Variants in TTC23 observed in about 807,000 individuals in gnomAD.
The protein encoded by TTC23 is tetratricopeptide repeat protein 23.
In TTC23, 58 loss-of-function variants were observed where a neutral mutation model predicts 55.1. The observed-to-expected ratio is 1.05, with a 90% CI of 0.85 to 1.31. The LOEUF (loss-of-function observed/expected upper bound fraction) is 1.31, where lower values mean the gene tolerates loss of function less well. Ranked by LOEUF, TTC23 falls within the 50% of genes most tolerant of loss-of-function variation. The pLI is 0.00. For synonymous variants in TTC23, 203 were observed against 199.9 expected (o/e 1.02, Z -0.13); for missense variants, 516 against 534.4 (o/e 0.97, Z 0.34).
At chr15:99,165,072 C>G (rs2071882286) in intron 10 of TTC23, among the ~76,000 whole-genome samples, 1 of 152,168 alleles carries the variant, frequency 6.6e-6, no homozygotes, top group African/African-American at 2.4e-5. Flanking sequence ...GACTGACATA[C>G]AGTTGGTGCT....
chr15:99,184,915 T>C (rs554341372), intron 9 of TTC23, among the ~76,000 whole-genome samples: 13 of 152,268 alleles, frequency 8.5e-5, no homozygotes, highest in Non-Finnish European at 1.8e-4. Context: ...AATTAAATCA[T>C]GGGGGTGGTT....
chr15:99,163,823 T>C (rs1262609948), intron 10 of TTC23, among the ~76,000 whole-genome samples: 1 of 152,202 alleles, frequency 6.6e-6, no homozygotes, highest in Non-Finnish European at 1.5e-5. Context: ...AGGAAGCAGG[T>C]CAGGCACCAA....
intron 9 of TTC23, among the ~76,000 whole-genome samples, chr15:99,186,936 T>G (rs1180795217): frequency 6.6e-6 from 1 of 152,100 alleles, no homozygotes; most frequent in African/African-American, 2.4e-5. Flanking sequence ...TGTTTTGTTT[T>G]GTTTTTTGCA....
intron 10 of TTC23, among the ~76,000 whole-genome samples, chr15:99,163,844 G>A (rs955927932): frequency 6.6e-6 from 1 of 152,206 alleles, no homozygotes; most frequent in African/African-American, 2.4e-5. Flanking sequence ...ATCTACCAGA[G>A]CCTTGATCTG....
At position 99,137,862 on chromosome 15, in the gene TTC23, G is replaced by T; in HGVS notation, c.*148C>A. 1 of 1,290,078 alleles carries T rather than the reference G, an allele frequency of 7.8e-7. No homozygotes were observed. Among genetic ancestry groups the T allele is most frequent in the Non-Finnish European group, 1.1e-6 (1 of 939,558 alleles). 79.9% of individuals were successfully genotyped at this position (1,290,078 alleles called of 1,614,324 possible). On this transcript the variant is annotated 3_prime_UTR_variant, in exon 14 of 14. Coordinates refer to ENST00000394132, the MANE Select transcript of TTC23 (RefSeq NM_001288615.3). ...AAAATGTGGCCCACGGGAGGCTTAT[G>T]GTCTCACTGTTGCATGTTGGGGCCA...
intron 1 of TTC23, among the ~76,000 whole-genome samples, chr15:99,246,576 C>T (rs1004775236): frequency 6.6e-6 from 1 of 151,304 alleles, no homozygotes; most frequent in Non-Finnish European, 1.5e-5. Flanking sequence ...GATCGAGCCA[C>T]TGTACTCCAG....
rs1317831093 is a variant in TTC23 at position 99,212,413 on chromosome 15, A to C, written c.581+6175T>G. ...TGGGGATAAATTTGCCCCTTTTTGT[A>C]AGTGACTTTCTTTACCAGATTTAAA... On this transcript the variant is annotated intron_variant, in intron 8 of 13. Transcript: ENST00000394132. 2.0e-5 allele frequency among the ~76,000 whole-genome samples: 3 copies of C among 152,190 alleles called. No homozygotes were observed. The East Asian group carries it at 5.8e-4, about 29-fold the overall frequency.
intron 8 of TTC23, among the ~76,000 whole-genome samples, chr15:99,214,094 T>A (rs1389825073): frequency 6.6e-6 from 1 of 152,162 alleles, no homozygotes. Flanking sequence ...GCCATTCTAG[T>A]GGGAATGTAA....
chr15:99,151,500 G>A (rs1300484628), intron 12 of TTC23: 2 of 152,330 alleles, frequency 1.3e-5, no homozygotes, highest in Non-Finnish European at 2.9e-5. Context: ...GTGCAGAGAG[G>A]AGCAAGGAGA....
At chr15:99,206,701 CTG>C (rs2152013111) in intron 8 of TTC23, among the ~76,000 whole-genome samples, 1 of 152,210 alleles carries the variant, frequency 6.6e-6, no homozygotes, top group South Asian at 2.1e-4. Flanking sequence ...GGTCTTCTCT[CTG>C]TTTTTCTTAG....
rs186638085 is a variant in TTC23 at position 99,223,339 on chromosome 15, C to T, written c.181-1475G>A. On this transcript the variant is annotated intron_variant, in intron 5 of 13. Coordinates refer to ENST00000394132, the MANE Select transcript of TTC23 (RefSeq NM_001288615.3). ...GGTCTTTAAAGAGGTGATTTAAGTT[C>T]GAAGGAGGTGTTAGGGTGGACCCTA... 5.8e-3 allele frequency among the ~76,000 whole-genome samples: 882 copies of T among 152,186 alleles called. 9 individuals are homozygous for T. Among genetic ancestry groups the T allele is most frequent in the Non-Finnish European group, 7.6e-3 (517 of 68,014 alleles).
intron 2 of TTC23, among the ~76,000 whole-genome samples, chr15:99,242,263 T>C (rs1280730480): frequency 6.6e-6 from 1 of 150,898 alleles, no homozygotes; most frequent in Non-Finnish European, 1.5e-5. Context: ...TCTAAAAAGA[T>C]AAAAAATACC....
intron 2 of TTC23, among the ~76,000 whole-genome samples, chr15:99,242,639 A>G (rs1278536940): frequency 6.6e-6 from 1 of 152,258 alleles, no homozygotes; most frequent in Non-Finnish European, 1.5e-5. Context: ...ATAATACATT[A>G]TGATCAAGGG....
At chr15:99,177,331 T>C (rs1160690096) in intron 9 of TTC23, among the ~76,000 whole-genome samples, 1 of 152,242 alleles carries the variant, frequency 6.6e-6, no homozygotes, top group Non-Finnish European at 1.5e-5. Context: ...AAGAATTGAA[T>C]ATGTGATTTT....
intron 10 of TTC23, among the ~76,000 whole-genome samples, chr15:99,167,467 T>A (rs902354359): frequency 2.0e-5 from 3 of 152,188 alleles, no homozygotes; most frequent in Admixed American, 6.5e-5. Flanking sequence ...CTATTTTCAC[T>A]CTAACAGAAT....
intron 9 of TTC23, among the ~76,000 whole-genome samples, chr15:99,198,841 A>G (rs2151989230): frequency 6.6e-6 from 1 of 152,380 alleles, no homozygotes; most frequent in South Asian, 2.1e-4. Context: ...GGACCTTGTC[A>G]CTGTATCTCA....
At chr15:99,215,700 C>T (rs4965221) in intron 8 of TTC23, among the ~76,000 whole-genome samples, 120,730 of 152,040 alleles carry the variant, frequency 0.79, 48,289 homozygotes, top group African/African-American at 0.89. Context: ...TGAACCATGA[C>T]CCCACCACTG....
chr15:99,175,455 C>T (rs186054640), intron 9 of TTC23, among the ~76,000 whole-genome samples: 4 of 152,324 alleles, frequency 2.6e-5, no homozygotes, highest in African/African-American at 9.6e-5. Context: ...AGGGGAGTTA[C>T]AAGAAGTAAA....
intron 8 of TTC23, among the ~76,000 whole-genome samples, chr15:99,211,387 C>CA (rs546455317): frequency 2.5e-4 from 38 of 149,320 alleles, no homozygotes; most frequent in African/African-American, 4.4e-4. Context: ...AACAAACAAA[C>CA]AAAAAAAAAG....
Sources: allele counts gnomAD v4.1 joint callset (sites outside exome capture counted in the v4.1 genomes callset), GRCh38; gene constraint gnomAD v4.1.1; transcripts MANE v1.5; gene names NCBI Gene and HGNC (gene_info 2026-07-23, HGNC 2026-07-21).